The following IKZF3 variants were observed in gnomAD, a reference collection of about 807,000 sequenced individuals.
The protein encoded by IKZF3 is zinc finger protein Aiolos.
A neutral mutation model predicts 49.0 loss-of-function variants in IKZF3; 10 were observed. The ratio of observed to expected loss-of-function variants is 0.20; its 90% CI spans 0.13 to 0.35. IKZF3 has a LOEUF of 0.35. IKZF3 is among the 10% of genes least tolerant of loss of function. IKZF3 has a pLI of 1.00. For missense variants in IKZF3, 498 were observed against 664.8 expected (o/e 0.75, Z 2.76); for synonymous variants, 209 against 228.2 (o/e 0.92, Z 0.76).
chr17:39,839,377 T>G (rs751256438), intron 1 of IKZF3: 113 of 596,448 alleles, frequency 1.9e-4, no homozygotes, highest in Non-Finnish European at 3.2e-4. Flanking sequence ...CCTTACAGAC[T>G]CAGCTTGGTT....
intron 7 of IKZF3, among the ~76,000 whole-genome samples, chr17:39,768,360 G>A (rs1365553412): frequency 6.6e-6 from 1 of 152,216 alleles, no homozygotes; most frequent in African/African-American, 2.4e-5. Flanking sequence ...TTGAGGGGGA[G>A]TGCAGGAATG....
intron 1 of IKZF3, among the ~76,000 whole-genome samples, chr17:39,839,161 T>C (rs1442241735): frequency 2.0e-5 from 3 of 152,136 alleles, no homozygotes; most frequent in Non-Finnish European, 4.4e-5. Flanking sequence ...TCTTTTTTTT[T>C]TTCGTATTTT....
intron 1 of IKZF3, among the ~76,000 whole-genome samples, chr17:39,851,064 T>G (rs1164038688): frequency 6.8e-6 from 1 of 148,026 alleles, no homozygotes; most frequent in African/African-American, 2.5e-5. Context: ...TGTGTATATA[T>G]ATATATAGAG....
At chr17:39,841,189 A>G (rs1375577364) in intron 1 of IKZF3, among the ~76,000 whole-genome samples, 1 of 151,744 alleles carries the variant, frequency 6.6e-6, no homozygotes, top group Admixed American at 6.6e-5. Flanking sequence ...AAAAAAAAAA[A>G]GGCAAGTTTC....
At chr17:39,822,582 CTTTT>C (rs536009534) in intron 3 of IKZF3, among the ~76,000 whole-genome samples, 4 of 132,978 alleles carry the variant, frequency 3.0e-5, no homozygotes. Context: ...GTATTTCTTT[CTTTT>C]TTTTTTTTTT....
At chr17:39,807,732 C>A (rs2061466186) in intron 3 of IKZF3, among the ~76,000 whole-genome samples, 1 of 151,706 alleles carries the variant, frequency 6.6e-6, no homozygotes, top group African/African-American at 2.4e-5. Flanking sequence ...ATACATGCAG[C>A]AACATAGATG....
intron 3 of IKZF3, among the ~76,000 whole-genome samples, chr17:39,827,216 C>T (rs1214394279): frequency 1.3e-5 from 2 of 151,906 alleles, no homozygotes; most frequent in Admixed American, 6.6e-5. Context: ...AGGCTGGTCT[C>T]GAACTCCCAA....
At chr17:39,834,818 G>C (rs1306255661) in intron 1 of IKZF3, among the ~76,000 whole-genome samples, 1 of 152,242 alleles carries the variant, frequency 6.6e-6, no homozygotes, top group Non-Finnish European at 1.5e-5. Flanking sequence ...ATCCCAGGCA[G>C]TAAACTCCCC....
rs1167879372 is a variant in IKZF3 at position 39,762,876 on chromosome 17, G to A, written c.*2914C>T. On this transcript the variant is annotated 3_prime_UTR_variant, in exon 8 of 8. Transcript: ENST00000346872. Reference sequence around the variant, plus strand: ...CACTCCAGCCTGGGCAACAGAGCGAGAGACTGTCTCAAAACAAAAGAAAAC... The same window carrying A: ...CACTCCAGCCTGGGCAACAGAGCGAAAGACTGTCTCAAAACAAAAGAAAAC... The A allele has an allele frequency of 6.6e-6, 1 of 152,266 alleles. No homozygotes were observed. Among genetic ancestry groups the A allele is most frequent in the Non-Finnish European group, 1.5e-5 (1 of 68,106 alleles). The allele number at this position is 152,266 out of a possible 1,614,324, so 9.4% of individuals were successfully genotyped here.
chr17:39,791,413 T>C lies in IKZF3; in HGVS notation c.592+3A>G. The C allele has an allele frequency of 6.2e-7, 1 of 1,613,796 alleles. No individual in the cohort carries two copies. The highest frequency in any genetic ancestry group is 8.5e-7 in the Non-Finnish European group (1 of 1,179,780). On this transcript the variant is annotated splice_donor_region_variant and intron_variant, in intron 5 of 7. Coordinates refer to ENST00000346872, the MANE Select transcript of IKZF3 (RefSeq NM_012481.5). ...ACAAGGAATGCTCATTTCTCTCACT[T>C]ACCAGAATGTGTCCTAAGATGCCCC... is the stretch of plus-strand genomic sequence containing the variant.
chr17:39,773,610 T>TA (rs2060499211), intron 7 of IKZF3, among the ~76,000 whole-genome samples: 1 of 152,162 alleles, frequency 6.6e-6, no homozygotes, highest in Non-Finnish European at 1.5e-5. Flanking sequence ...AAGTAATACA[T>TA]AAAACTTTTA....
At chr17:39,811,576 T>C (rs1468622524) in intron 3 of IKZF3, among the ~76,000 whole-genome samples, 5 of 152,186 alleles carry the variant, frequency 3.3e-5, no homozygotes, top group Non-Finnish European at 7.3e-5. Flanking sequence ...TTGATTCTCT[T>C]AAAATTATCC....
chr17:39,841,547 C>T (rs959440262), intron 1 of IKZF3, among the ~76,000 whole-genome samples: 15 of 152,148 alleles, frequency 9.9e-5, no homozygotes, highest in South Asian at 2.1e-4. Flanking sequence ...ATGAGTCAAG[C>T]AGAGCAACTG....
chr17:39,844,121 T>C (rs1468367343), intron 1 of IKZF3, among the ~76,000 whole-genome samples: 3 of 152,198 alleles, frequency 2.0e-5, no homozygotes, highest in African/African-American at 7.2e-5. Context: ...AAGTTTCCAT[T>C]TGATGGGGTC....
At chr17:39,777,438 C>T (rs1638356853) in intron 7 of IKZF3, among the ~76,000 whole-genome samples, 2 of 152,198 alleles carry the variant, frequency 1.3e-5, no homozygotes, top group South Asian at 4.1e-4. Context: ...ATATCAACTA[C>T]TCCCATCTCC....
intron 4 of IKZF3, 50 bp downstream of exon 4, chr17:39,792,623 T>C (rs1189421016): frequency 1.3e-6 from 2 of 1,561,542 alleles, no homozygotes; most frequent in South Asian, 1.2e-5. Flanking sequence ...ATTTCTCACG[T>C]GGCTGCATTA....
At chr17:39,822,696 C>T (rs1435578645) in intron 3 of IKZF3, among the ~76,000 whole-genome samples, 1 of 151,674 alleles carries the variant, frequency 6.6e-6, no homozygotes, top group African/African-American at 2.4e-5. Flanking sequence ...CATTCTCCTG[C>T]CTCAGCCTCC....
chr17:39,766,267 C>A lies in IKZF3; in HGVS notation c.1053G>T (p.Met351Ile). Residue 351 changes from methionine to isoleucine, a missense_variant, in exon 8 of 8, where the codon ATG becomes ATT. Coordinates refer to ENST00000346872, the MANE Select transcript of IKZF3 (RefSeq NM_012481.5). ...CCAGCTCTTGAGGGGCACCGTTTGA[C>A]ATCTCAGCCCGGGTGAGGGCTATGG... Reference protein sequence around the residue: ...MYPIALTRAEMSNGAPQELEK... With the variant: ...MYPIALTRAEISNGAPQELEK... The A allele has an allele frequency of 1.2e-6, 2 of 1,614,212 alleles. No individual in the cohort carries two copies.
chr17:39,787,506 T>C (rs370809602), intron 6 of IKZF3, among the ~76,000 whole-genome samples: 12 of 152,342 alleles, frequency 7.9e-5, no homozygotes, highest in Admixed American at 3.3e-4. Context: ...CCCAACCTCC[T>C]CTACCCTCAA....
Sources: allele counts gnomAD v4.1 joint callset (sites outside exome capture counted in the v4.1 genomes callset), GRCh38; gene constraint gnomAD v4.1.1; transcripts MANE v1.5; gene names NCBI Gene and HGNC (gene_info 2026-07-23, HGNC 2026-07-21).